Variants in RHOBTB1 observed in about 807,000 individuals in gnomAD.
RHOBTB1 encodes Rho related BTB domain containing 1.
Under a neutral mutation model 71.6 loss-of-function variants are expected in RHOBTB1, and 40 were observed. The ratio of observed to expected loss-of-function variants is 0.56; its 90% CI spans 0.43 to 0.73. The LOEUF (loss-of-function observed/expected upper bound fraction) is 0.73. RHOBTB1 is among the 30% of genes least tolerant of loss of function. RHOBTB1 has a pLI of 0.00. For missense variants in RHOBTB1, 797 were observed against 894.0 expected (o/e 0.89, Z 1.38); for synonymous variants, 319 against 334.9 (o/e 0.95, Z 0.52).
the RHOBTB1 span, among the ~76,000 whole-genome samples, chr10:60,863,383 AT>A: frequency 6.6e-6 from 1 of 151,996 alleles, no homozygotes; most frequent in Non-Finnish European, 1.5e-5. Flanking sequence ...GCAACAGAGG[AT>A]GCAATTTTTT....
At chr10:60,940,974 A>G (rs2084872889) in intron 2 of RHOBTB1, among the ~76,000 whole-genome samples, 1 of 152,242 alleles carries the variant, frequency 6.6e-6, no homozygotes, top group Admixed American at 6.5e-5. Flanking sequence ...AGACCCCACA[A>G]TAAAAACTTT....
chr10:60,936,401 G>A (rs1001724075), intron 2 of RHOBTB1, among the ~76,000 whole-genome samples: 4 of 152,168 alleles, frequency 2.6e-5, no homozygotes, highest in Non-Finnish European at 5.9e-5. Context: ...TTCTTTATGT[G>A]ATTAAAATTT....
rs758356363 is a variant in RHOBTB1, at chr10:60,888,987, A to G, written c.681T>C (p.Pro227=). The G allele has an allele frequency of 8.7e-6, 14 of 1,613,962 alleles. No homozygotes were observed. Among genetic ancestry groups the G allele is most frequent in the Non-Finnish European group, 1.2e-5 (14 of 1,180,012 alleles). The change falls in exon 6 of 11, where the codon CCT becomes CCC. Residue 227 remains proline (P), a synonymous_variant. Coordinates refer to ENST00000337910, the MANE Select transcript of RHOBTB1 (RefSeq NM_014836.5). The part of the protein sequence containing the change: ...WKSHLKKVQK[P]LLQAPFLPPK... ...GAGGTAGGAAGGGTGCCTGAAGTAA[A>G]GGTTTCTGGACTTTCTTTAGGTGGG...
intron 2 of RHOBTB1, among the ~76,000 whole-genome samples, chr10:60,924,446 A>T (rs1057477448): frequency 2.6e-5 from 4 of 152,188 alleles, no homozygotes; most frequent in Admixed American, 2.0e-4. Flanking sequence ...GGGGTCAATT[A>T]AGCAAGAGGA....
At chr10:60,999,783 C>T (rs757212525) in intron 1 of RHOBTB1, among the ~76,000 whole-genome samples, 121 of 152,236 alleles carry the variant, frequency 7.9e-4, no homozygotes, top group Non-Finnish European at 1.3e-3. Context: ...GGTTCAGACA[C>T]ACATGAACCA....
chr10:60,948,585 C>T (rs1019298223), upstream of RHOBTB1, among the ~76,000 whole-genome samples: 4 of 152,188 alleles, frequency 2.6e-5, no homozygotes, highest in Non-Finnish European at 2.9e-5. Flanking sequence ...GCATGTGATG[C>T]TGTCATTGGC....
At chr10:60,927,596 G>A (rs555698700) in intron 2 of RHOBTB1, among the ~76,000 whole-genome samples, 4 of 152,282 alleles carry the variant, frequency 2.6e-5, no homozygotes, top group South Asian at 4.1e-4. Context: ...CAAAGGTGCT[G>A]AGAACATACA....
chr10:60,962,098 G>A (rs966673698), intron 2 of RHOBTB1, among the ~76,000 whole-genome samples: 5 of 152,070 alleles, frequency 3.3e-5, no homozygotes, highest in Non-Finnish European at 7.4e-5. Context: ...CTAAGCCACT[G>A]TGCCTGGCCC....
At chr10:60,921,453 C>T (rs973008922) in intron 2 of RHOBTB1, among the ~76,000 whole-genome samples, 1 of 152,208 alleles carries the variant, frequency 6.6e-6, no homozygotes, top group South Asian at 2.1e-4. Context: ...AGAAGACACA[C>T]TGCAAACATC....
At chr10:60,918,795 G>A (rs1176264284) in intron 2 of RHOBTB1, among the ~76,000 whole-genome samples, 1 of 150,934 alleles carries the variant, frequency 6.6e-6, no homozygotes, top group Non-Finnish European at 1.5e-5. Flanking sequence ...TGCCAGGCTG[G>A]AGTGCAATAG....
chr10:60,928,200 C>A (rs1160421547), intron 2 of RHOBTB1, among the ~76,000 whole-genome samples: 1 of 152,032 alleles, frequency 6.6e-6, no homozygotes. Flanking sequence ...GAAAGGGGAA[C>A]CCTTGCAAGC....
At chr10:60,911,021 G>C (rs368468916) in intron 3 of RHOBTB1, 31 bp from the exon 4 acceptor site, 14 of 1,579,230 alleles carry the variant, frequency 8.9e-6, no homozygotes, top group Admixed American at 1.7e-5. Flanking sequence ...ATCTGTGCTC[G>C]GTGTCAGTCA....
chr10:60,898,302 T>C (rs778710017), intron 4 of RHOBTB1, among the ~76,000 whole-genome samples: 11 of 152,120 alleles, frequency 7.2e-5, no homozygotes, highest in Non-Finnish European at 1.3e-4. Context: ...GTAACTGAGG[T>C]AGGTTCTTTA....
Position 60,877,921 on chromosome 10 carries a change from C to A in RHOBTB1, c.1713G>T (p.Leu571Phe). ...CATCATCCTTACCTGCAAGTGCAAC[C>A]AAGTGTGGCAGGCAAAATCTGTTTG... is the stretch of plus-strand genomic sequence containing the variant. ...ALANRFCLPH[L>F]VALAEQHAVQ... The change falls in exon 8 of 11, where the codon TTG (leucine) becomes TTT (phenylalanine). Residue 571 changes from leucine (L) to phenylalanine (F), a missense_variant. By Grantham distance (22) the Leu-to-Phe change is conservative. Transcript: ENST00000337910. 4 of 1,613,646 alleles carry A rather than the reference C, an allele frequency of 2.5e-6. No individual in the cohort carries two copies. Among genetic ancestry groups the A allele is most frequent in the Non-Finnish European group, 2.5e-6 (3 of 1,179,798 alleles).
At chr10:60,882,192 T>C (rs2081357114) in intron 7 of RHOBTB1, among the ~76,000 whole-genome samples, 1 of 137,964 alleles carries the variant, frequency 7.2e-6, no homozygotes, top group Admixed American at 7.3e-5. Flanking sequence ...TGGATATAGT[T>C]TCTTTTTTCT....
intron 4 of RHOBTB1, among the ~76,000 whole-genome samples, chr10:60,895,413 T>G (rs1040508070): frequency 6.6e-6 from 1 of 152,234 alleles, no homozygotes; most frequent in African/African-American, 2.4e-5. Context: ...TTTTATTTAT[T>G]TATTTTTTGA....
At chr10:60,997,589 T>C (rs879934145) in intron 1 of RHOBTB1, among the ~76,000 whole-genome samples, 2 of 152,246 alleles carry the variant, frequency 1.3e-5, no homozygotes, top group Non-Finnish European at 2.9e-5. Flanking sequence ...AATGTATCTT[T>C]AATCTATCAC....
Position 60,911,550 on chromosome 10 carries a change from ACT to A in RHOBTB1, c.-10_-9del, listed in dbSNP as rs2082972561. ...GTCCATGTCAGCGTCCATTTATGAA[ACT>A]CTGTAAGAAGAGAGTGAACACCACA... is the stretch of plus-strand genomic sequence containing the variant. On this transcript the variant is annotated splice_region_variant and 5_prime_UTR_variant, in exon 3 of 11. Transcript: ENST00000337910. 4 of 1,612,236 alleles carry A rather than the reference ACT, an allele frequency of 2.5e-6. No homozygotes were observed. Among genetic ancestry groups the A allele is most frequent in the Non-Finnish European group, 2.5e-6 (3 of 1,178,918 alleles).
chr10:60,999,900 A>G (rs1029798043), intron 1 of RHOBTB1, among the ~76,000 whole-genome samples: 1 of 152,200 alleles, frequency 6.6e-6, no homozygotes, highest in Non-Finnish European at 1.5e-5. Context: ...TTATTTTACG[A>G]TTCTCTGCTG....
Sources: allele counts gnomAD v4.1 joint callset (sites outside exome capture counted in the v4.1 genomes callset), GRCh38; gene constraint gnomAD v4.1.1; transcripts MANE v1.5; gene names NCBI Gene and HGNC (gene_info 2026-07-23, HGNC 2026-07-21).